Variants in SGCZ observed in about 807,000 individuals in gnomAD.
The protein encoded by SGCZ is zeta-sarcoglycan.
A neutral mutation model predicts 41.3 loss-of-function variants in SGCZ; 40 were observed. That is an observed-to-expected ratio of 0.97 (90% confidence interval 0.75 to 1.26). The LOEUF (loss-of-function observed/expected upper bound fraction) is 1.26, where lower values mean the gene tolerates loss of function less well. SGCZ is among the 50% of genes most tolerant of loss of function. The probability of loss-of-function intolerance (pLI) is 0.00; values close to 1 mark genes in which losing one functional copy is unlikely to be tolerated. For missense variants in SGCZ, 552 were observed against 369.8 expected, an observed-to-expected ratio of 1.49 and a Z score of -4.04; for synonymous variants, 206 against 137.5, an observed-to-expected ratio of 1.50 and a Z score of -3.49.
In SGCZ at chr8:15,119,257, G is replaced by A. The variant is rs186617666; in HGVS notation, c.39+118328C>T. ...CCTCTGAAAATCCTCTTAGCGGGGT[G>A]CAGTGGCTCACTCCTGTAATCCCAG... On this transcript the variant is annotated intron_variant, in intron 1 of 7. Transcript: ENST00000382080. 1.0e-3 allele frequency among the ~76,000 whole-genome samples: 154 copies of A among 152,256 alleles called. 3 individuals are homozygous for A. Among genetic ancestry groups the A allele is most frequent in the Admixed American group, 9.0e-3 (138 of 15,292 alleles).
chr8:14,789,047 T>C (rs894723625), intron 1 of SGCZ, among the ~76,000 whole-genome samples: 6 of 152,138 alleles, frequency 3.9e-5, no homozygotes, highest in South Asian at 2.1e-4. Context: ...CTCGTTAACA[T>C]TGGAATCACA....
rs1228053172 is a variant in SGCZ at position 14,324,184 on chromosome 8, T to C, written c.255A>G (p.Arg85=). ...NFTVDGMGNL[R]VTKKGIRLEG... ...CAAGTCGGATTCCCTTCTTGGTGAC[T>C]CTCAGATTTCCCATACCATCCTACA... Residue 85 remains arginine (R), a synonymous_variant, in exon 3 of 8, where the codon AGA becomes AGG. Transcript: ENST00000382080. 5 of 1,612,446 alleles carry C rather than the reference T, an allele frequency of 3.1e-6. No homozygotes were observed. Among genetic ancestry groups the C allele is most frequent in the South Asian group, 1.1e-5 (1 of 91,046 alleles).
chr8:14,272,379 G>A (rs1800094237), intron 3 of SGCZ, among the ~76,000 whole-genome samples: 1 of 152,184 alleles, frequency 6.6e-6, no homozygotes, highest in Admixed American at 6.5e-5. Flanking sequence ...TCCTGAGACA[G>A]TCTCACATTG....
chr8:15,093,876 G>A (rs73665383), intron 1 of SGCZ, among the ~76,000 whole-genome samples: 5 of 152,126 alleles, frequency 3.3e-5, no homozygotes, highest in Non-Finnish European at 7.4e-5. Flanking sequence ...TAATAAAACA[G>A]TATCATTTAT....
intron 2 of SGCZ, among the ~76,000 whole-genome samples, chr8:14,491,391 T>A (rs1164608954): frequency 6.6e-6 from 1 of 152,082 alleles, no homozygotes; most frequent in African/African-American, 2.4e-5. Context: ...TTATCAGGAC[T>A]GTTCAAATGA....
Position 15,042,700 on chromosome 8 carries a change from C to T in SGCZ, c.39+194885G>A, listed in dbSNP as rs1430182903. Among the ~76,000 whole-genome samples, 4 of 152,272 alleles carry T rather than the reference C, an allele frequency of 2.6e-5. No individual in the cohort carries two copies. The South Asian group carries it at 8.3e-4, about 32-fold the overall frequency. ...TATTTGCTGTGAAACCCTTTATGCA[C>T]ATGTCTAAATATAAATTTATATTTA... On this transcript the variant is annotated intron_variant, in intron 1 of 7. Transcript: ENST00000382080.
rs534037170 is a variant in SGCZ, at chr8:14,200,279, C to T, written c.425-35577G>A. The stretch of plus-strand genomic sequence containing the variant: ...AAAGACTCAATATTGTTAAGATAAT[C>T]GATTTTCCCTAAACAGGTATAGTCC... On this transcript the variant is annotated intron_variant, in intron 4 of 7. Coordinates refer to ENST00000382080, the MANE Select transcript of SGCZ (RefSeq NM_139167.4). Among the ~76,000 whole-genome samples, 7 of 152,220 alleles carry T rather than the reference C, an allele frequency of 4.6e-5. No individual in the cohort carries two copies. The East Asian group carries it at 7.7e-4, about 17-fold the overall frequency.
chr8:14,195,515 G>A (rs1442104078), intron 4 of SGCZ, among the ~76,000 whole-genome samples: 1 of 152,014 alleles, frequency 6.6e-6, no homozygotes, highest in African/African-American at 2.4e-5. Flanking sequence ...ATGGGATAAA[G>A]TTTTCTAAGT....
intron 1 of SGCZ, among the ~76,000 whole-genome samples, chr8:14,861,160 C>T (rs557853647): frequency 6.6e-6 from 1 of 152,178 alleles, no homozygotes; most frequent in Admixed American, 6.6e-5. Flanking sequence ...TAAAACTTAC[C>T]CCAAATGGAG....
At chr8:14,431,294 A>G (rs936220366) in intron 2 of SGCZ, among the ~76,000 whole-genome samples, 8 of 152,210 alleles carry the variant, frequency 5.3e-5, no homozygotes, top group African/African-American at 1.9e-4. Flanking sequence ...AAATGATACT[A>G]TAAGATCTTA....
intron 2 of SGCZ, among the ~76,000 whole-genome samples, chr8:14,443,011 C>A (rs1184817869): frequency 2.0e-5 from 3 of 152,174 alleles, no homozygotes; most frequent in East Asian, 1.9e-4. Context: ...TCTTATAAAC[C>A]AATAACAGCC....
chr8:14,594,106 T>G (rs948195106), intron 1 of SGCZ, among the ~76,000 whole-genome samples: 2 of 150,896 alleles, frequency 1.3e-5, no homozygotes, highest in African/African-American at 4.9e-5. Flanking sequence ...GCCCGGGAGG[T>G]GGAGGTTACA....
At chr8:14,292,237 A>G (rs1800864632) in intron 3 of SGCZ, among the ~76,000 whole-genome samples, 1 of 152,082 alleles carries the variant, frequency 6.6e-6, no homozygotes, top group Non-Finnish European at 1.5e-5. Context: ...GAAAATGAAC[A>G]AACAATTGTA....
At chr8:15,177,354 T>C (rs565663199) in intron 1 of SGCZ, among the ~76,000 whole-genome samples, 3 of 152,172 alleles carry the variant, frequency 2.0e-5, no homozygotes, top group Non-Finnish European at 4.4e-5. Flanking sequence ...AGGCAGCTGG[T>C]GGGCTAAAAT....
intron 1 of SGCZ, among the ~76,000 whole-genome samples, chr8:14,642,062 T>C (rs547846818): frequency 6.6e-6 from 1 of 151,734 alleles, no homozygotes; most frequent in African/African-American, 2.4e-5. Context: ...GGATCATTAG[T>C]TTGTACAATT....
At chr8:14,185,894 T>A (rs1473712153) in intron 4 of SGCZ, among the ~76,000 whole-genome samples, 1 of 152,224 alleles carries the variant, frequency 6.6e-6, no homozygotes, top group African/African-American at 2.4e-5. Flanking sequence ...CTTTAAATAA[T>A]ATCTACATGT....
At chr8:14,338,881 G>A (rs1802595780) in intron 2 of SGCZ, among the ~76,000 whole-genome samples, 1 of 152,128 alleles carries the variant, frequency 6.6e-6, no homozygotes, top group African/African-American at 2.4e-5. Context: ...AGAAAAGGAT[G>A]TCTGTCATTT....
chr8:15,114,593 G>A (rs1000398662), intron 1 of SGCZ, among the ~76,000 whole-genome samples: 1 of 152,132 alleles, frequency 6.6e-6, no homozygotes, highest in Non-Finnish European at 1.5e-5. Context: ...TATCTATAGA[G>A]AGCTGTGCTT....
At chr8:14,785,808 G>C (rs564719070) in intron 1 of SGCZ, among the ~76,000 whole-genome samples, 80 of 152,086 alleles carry the variant, frequency 5.3e-4, no homozygotes, top group African/African-American at 1.9e-3. Flanking sequence ...AGCAGGCGTA[G>C]GATTGTGGTT....
Sources: gnomAD v4.1 joint callset for allele counts (sites outside exome capture counted in the v4.1 genomes callset) on GRCh38, gnomAD v4.1.1 for gene constraint, MANE v1.5 for transcripts, NCBI Gene and HGNC (gene_info 2026-07-23, HGNC 2026-07-21) for gene names.